The following NRXN3 variants were observed in gnomAD, a reference collection of about 807,000 sequenced individuals.
The protein encoded by NRXN3 is neurexin III.
Under a neutral mutation model 137.6 loss-of-function variants are expected in NRXN3, and 32 were observed. That is an observed-to-expected ratio of 0.23 (90% CI 0.18 to 0.31). The LOEUF is 0.31. Ranked by LOEUF, NRXN3 falls within the 10% of genes least tolerant of loss-of-function variation. NRXN3 has a pLI of 1.00. For synonymous variants in NRXN3, 798 were observed against 784.5 expected (o/e 1.02, Z -0.29); for missense variants, 1,574 against 2,062.5 (o/e 0.76, Z 4.59).
intron 4 of NRXN3, among the ~76,000 whole-genome samples, chr14:78,331,720 A>G (rs987044569): frequency 6.6e-6 from 1 of 152,194 alleles, no homozygotes; most frequent in African/African-American, 2.4e-5. Context: ...GGTGAGTAGA[A>G]GGCATCTGAA....
intron 4 of NRXN3, among the ~76,000 whole-genome samples, chr14:78,626,381 A>T (rs2097458450): frequency 6.6e-6 from 1 of 152,238 alleles, no homozygotes; most frequent in African/African-American, 2.4e-5. Flanking sequence ...TCTGTAGAAA[A>T]CAATCATCAT....
At chr14:78,393,750 A>G (rs1394713621) in intron 4 of NRXN3, among the ~76,000 whole-genome samples, 2 of 152,030 alleles carry the variant, frequency 1.3e-5, no homozygotes, top group Non-Finnish European at 2.9e-5. Flanking sequence ...TGAACATAGT[A>G]TATTTCTTAA....
intron 16 of NRXN3, among the ~76,000 whole-genome samples, chr14:79,617,668 C>G (rs7154965): frequency 0.069 from 10,429 of 151,894 alleles, 1,202 homozygotes; most frequent in African/African-American, 0.24. Flanking sequence ...GAGTCTTTCC[C>G]TAACGAGAAT....
chr14:78,984,902 G>A (rs1310160826), intron 14 of NRXN3, among the ~76,000 whole-genome samples: 1 of 152,182 alleles, frequency 6.6e-6, no homozygotes, highest in Non-Finnish European at 1.5e-5. Flanking sequence ...CTTGAAAGGA[G>A]GTTCAAGGTT....
intron 19 of NRXN3, among the ~76,000 whole-genome samples, chr14:79,709,685 C>T (rs897141718): frequency 6.6e-6 from 1 of 152,106 alleles, no homozygotes; most frequent in Non-Finnish European, 1.5e-5. Context: ...CTGAGAGAGA[C>T]ACATATTCAT....
rs184865628 is a variant in NRXN3, at chr14:79,132,410, G to A, written c.3262+144269G>A. 2.0e-5 allele frequency among the ~76,000 whole-genome samples: 3 copies of A among 152,232 alleles called. No homozygotes were observed. In the East Asian group the frequency reaches 5.8e-4, roughly 29 times the overall value. On this transcript the variant is annotated intron_variant, in intron 15 of 20. Coordinates refer to ENST00000335750, the MANE Select transcript of NRXN3 (RefSeq NM_001330195.2). Reference sequence around the variant, plus strand: ...ACATCAAATTTTGAAGACTTCATATGGGAAATAGGATGTAAAATAGCACAT... The same window carrying A: ...ACATCAAATTTTGAAGACTTCATATAGGAAATAGGATGTAAAATAGCACAT...
chr14:78,679,338 T>A (rs2152737931), intron 6 of NRXN3, among the ~76,000 whole-genome samples: 1 of 152,290 alleles, frequency 6.6e-6, no homozygotes. Context: ...TTGATCTACC[T>A]TATCATTGTT....
In NRXN3 at chr14:79,861,847, G is replaced by A. The variant is rs773510809; in HGVS notation, c.4599G>A (p.Thr1533=). The A allele has an allele frequency of 1.9e-6, 3 of 1,614,114 alleles. No individual in the cohort carries two copies. In the Middle Eastern group the frequency reaches 4.9e-4, roughly 266 times the overall value. Residue 1533 remains threonine, a synonymous_variant, in exon 21 of 21, where the codon ACG becomes ACA. Transcript: ENST00000335750. This position sits in a 1 kb window ranked among gnomAD's most constrained non-coding sequence, Gnocchi z 5.4. ...AGGGGTCCTATCAAGTGGACGAGAC[G>A]CGGAACTACATCAGCAACTCCGCCC... The part of the protein sequence containing the change: ...RDEGSYQVDE[T]RNYISNSAQS...
intron 4 of NRXN3, among the ~76,000 whole-genome samples, chr14:78,341,756 A>G (rs1056499635): frequency 1.3e-5 from 2 of 152,194 alleles, no homozygotes; most frequent in Admixed American, 6.5e-5. Flanking sequence ...TCTGCTCGTA[A>G]TTATTCAGAT....
chr14:79,744,946 A>T (rs1381458617), intron 19 of NRXN3, among the ~76,000 whole-genome samples: 2 of 151,716 alleles, frequency 1.3e-5, no homozygotes, highest in African/African-American at 4.8e-5. Context: ...AAAGCTTGCT[A>T]GGGCAAGGTC....
At chr14:79,487,031 G>A (rs2096663823) in intron 16 of NRXN3, among the ~76,000 whole-genome samples, 1 of 151,180 alleles carries the variant, frequency 6.6e-6, no homozygotes, top group East Asian at 2.0e-4. Context: ...AGCAAGAAGA[G>A]CAAAGGTTCT....
intron 19 of NRXN3, among the ~76,000 whole-genome samples, chr14:79,779,358 C>A (rs1210175543): frequency 1.3e-5 from 2 of 152,100 alleles, no homozygotes; most frequent in Non-Finnish European, 2.9e-5. Context: ...GGTGATCCGC[C>A]CACCTCGGCC....
chr14:79,107,577 G>C (rs1053866169), intron 15 of NRXN3, among the ~76,000 whole-genome samples: 1 of 152,160 alleles, frequency 6.6e-6, no homozygotes, highest in African/African-American at 2.4e-5. Flanking sequence ...GAGGGAGCTA[G>C]AGAGGAAAAG....
intron 4 of NRXN3, among the ~76,000 whole-genome samples, chr14:78,301,162 ATATT>A (rs2076840356): frequency 7.5e-6 from 1 of 133,954 alleles, no homozygotes; most frequent in Non-Finnish European, 1.7e-5. Flanking sequence ...ATTGGGGGGG[ATATT>A]TATTTATTTC....
At chr14:79,816,530 ATT>A (rs1173902395) in intron 20 of NRXN3, among the ~76,000 whole-genome samples, 3 of 152,188 alleles carry the variant, frequency 2.0e-5, no homozygotes, top group Non-Finnish European at 4.4e-5. Flanking sequence ...ACTTTGACTA[ATT>A]TTGTTTCCTC....
chr14:79,833,158 T>A (rs2099328359), intron 20 of NRXN3, among the ~76,000 whole-genome samples: 1 of 152,168 alleles, frequency 6.6e-6, no homozygotes, highest in Non-Finnish European at 1.5e-5. Context: ...AACATTCAGC[T>A]CTATTAGATT....
intron 10 of NRXN3, among the ~76,000 whole-genome samples, chr14:78,918,847 G>A (rs929491333): frequency 6.6e-6 from 1 of 152,138 alleles, no homozygotes; most frequent in Admixed American, 6.5e-5. Context: ...TATAGTTCAG[G>A]TGTGTAGAGG....
At chr14:78,214,510 G>A (rs558550381) in intron 1 of NRXN3, among the ~76,000 whole-genome samples, 15 of 152,136 alleles carry the variant, frequency 9.9e-5, no homozygotes, top group Non-Finnish European at 2.2e-4. Context: ...GGCTACCTCT[G>A]TCTTTGCTGA....
intron 4 of NRXN3, among the ~76,000 whole-genome samples, chr14:78,334,148 A>T (rs553542301): frequency 1.3e-5 from 2 of 152,182 alleles, no homozygotes; most frequent in Non-Finnish European, 2.9e-5. Context: ...GCAAGAGTCT[A>T]GCTTAGTCAT....
Sources: allele counts gnomAD v4.1 joint callset (sites outside exome capture counted in the v4.1 genomes callset), GRCh38; gene constraint gnomAD v4.1.1; non-coding constraint Gnocchi (gnomAD v3.1); transcripts MANE v1.5; gene names NCBI Gene and HGNC (gene_info 2026-07-23, HGNC 2026-07-21).